SMARCC1: variants seen among roughly 807,000 people sequenced by gnomAD.
SMARCC1 encodes the protein SWI/SNF related BAF chromatin remodeling complex subunit C1, also known as SWI/SNF complex subunit SMARCC1.
A neutral mutation model predicts 147.4 loss-of-function variants in SMARCC1; 43 were observed. The observed-to-expected ratio is 0.29, with a 90% CI of 0.23 to 0.38. SMARCC1 has a LOEUF of 0.38. SMARCC1 is among the 10% of genes least tolerant of loss of function. SMARCC1 has a pLI of 1.00. For missense variants in SMARCC1, 1,119 were observed against 1,381.1 expected (o/e 0.81, Z 3.01); for synonymous variants, 495 against 484.4 (o/e 1.02, Z -0.29).
At chr3:47,720,146 CGG>C (rs2034213088) in intron 7 of SMARCC1, among the ~76,000 whole-genome samples, 1 of 152,038 alleles carries the variant, frequency 6.6e-6, no homozygotes, top group Non-Finnish European at 1.5e-5. Flanking sequence ...TTTTTTGAGA[CGG>C]AGTCTCACTC....
At position 47,587,785 on chromosome 3, in the gene SMARCC1, T is replaced by C. The variant is rs2032096574; in HGVS notation, c.*424A>G. The stretch of plus-strand genomic sequence containing the variant: ...TCCTATTAACTTAGGATGCTCTCCT[T>C]TAAAACAATAATAACAGAAAGATAA... On this transcript the variant is annotated 3_prime_UTR_variant, in exon 28 of 28. Coordinates refer to ENST00000254480, the MANE Select transcript of SMARCC1 (RefSeq NM_003074.4). The C allele has an allele frequency of 6.2e-6, 1 of 160,896 alleles. No individual in the cohort carries two copies. The highest frequency in any genetic ancestry group is 1.4e-5 in the Non-Finnish European group (1 of 73,388). 10.0% of individuals were successfully genotyped at this position (160,896 alleles called of 1,614,324 possible). A position where few individuals can be genotyped will look rare whatever the true frequency, so the allele number is the denominator to read the frequency against.
chr3:47,758,891 C>G (rs943808662), intron 2 of SMARCC1, among the ~76,000 whole-genome samples: 2 of 151,916 alleles, frequency 1.3e-5, no homozygotes, highest in Non-Finnish European at 2.9e-5. Context: ...ATGGTGCATG[C>G]CTGTAATCCC....
rs1457008018 is a variant in SMARCC1, at chr3:47,633,777, TATACACACACACACAC to T, written c.2646+1397_2646+1412del. 4.3e-5 allele frequency among the ~76,000 whole-genome samples: 2 copies of T among 46,536 alleles called. 1 individual carries two copies. Among genetic ancestry groups the T allele is most frequent in the African/African-American group, 1.7e-4 (2 of 11,648 alleles). The allele number at this position is 46,536 out of a possible 152,430, so 30.5% of individuals were successfully genotyped here. On this transcript the variant is annotated intron_variant, in intron 24 of 27. Coordinates refer to ENST00000254480, the MANE Select transcript of SMARCC1 (RefSeq NM_003074.4). ...AAAAAAAAAAAAATATATATATATA[TATACACACACACACAC>T]ACACACACACACACACACACACACA...
intron 25 of SMARCC1, among the ~76,000 whole-genome samples, chr3:47,615,794 C>T (rs947011082): frequency 1.3e-5 from 2 of 152,192 alleles, no homozygotes; most frequent in Non-Finnish European, 2.9e-5. Flanking sequence ...AGTGATTCTC[C>T]TGCTTCAGCC....
intron 12 of SMARCC1, among the ~76,000 whole-genome samples, chr3:47,690,364 G>A (rs1278881615): frequency 1.3e-5 from 2 of 152,160 alleles, no homozygotes; most frequent in African/African-American, 4.8e-5. Context: ...AAGTGGGTAG[G>A]TGGACACTTC....
At chr3:47,757,556 C>T (rs1228970885) in intron 2 of SMARCC1, among the ~76,000 whole-genome samples, 1 of 152,032 alleles carries the variant, frequency 6.6e-6, no homozygotes, top group Non-Finnish European at 1.5e-5. Context: ...GCAGGTGGAT[C>T]ATGAGGTCAG....
intron 1 of SMARCC1, among the ~76,000 whole-genome samples, chr3:47,778,375 C>T (rs1289606511): frequency 6.6e-6 from 1 of 151,872 alleles, no homozygotes; most frequent in Non-Finnish European, 1.5e-5. Flanking sequence ...ATGGTGCCAA[C>T]ACAGTTCACC....
chr3:47,659,760 A>AGCG (rs1553680845), intron 21 of SMARCC1, among the ~76,000 whole-genome samples: 2 of 47,780 alleles, frequency 4.2e-5, no homozygotes, highest in Non-Finnish European at 7.4e-5. Flanking sequence ...GAAAAAAAAA[A>AGCG]GGGGGGGGGG....
intron 2 of SMARCC1, among the ~76,000 whole-genome samples, chr3:47,769,279 A>G (rs11914409): frequency 0.96 from 134,249 of 140,070 alleles, 64,651 homozygotes; most frequent in East Asian, 1. Flanking sequence ...CACTTTGAGA[A>G]GCAGAGGTGG....
chr3:47,738,134 T>A, intron 3 of SMARCC1, 24 bp from the exon 4 acceptor site: 1 of 1,493,794 alleles, frequency 6.7e-7, no homozygotes, highest in Non-Finnish European at 9.1e-7. Context: ...AAAACCCTAG[T>A]TAATTTGTCT....
Position 47,746,052 on chromosome 3 carries a change from T to C in SMARCC1, c.316-59A>G, listed in dbSNP as rs990198403. The stretch of plus-strand genomic sequence containing the variant: ...AAAGCTTCTGACAAAATTACTCATG[T>C]CTTAATTCTAAGTTTTATAAATTCA... On this transcript the variant is annotated intron_variant, in intron 2 of 27. Coordinates refer to ENST00000254480, the MANE Select transcript of SMARCC1 (RefSeq NM_003074.4). The C allele has an allele frequency of 2.0e-4, 211 of 1,068,992 alleles. 1 individual carries two copies. The East Asian group carries it at 4.8e-3, about 24-fold the overall frequency. The allele number at this position is 1,068,992 out of a possible 1,614,324, so 66.2% of individuals were successfully genotyped here.
At chr3:47,704,371 G>A (rs923163162) in intron 10 of SMARCC1, among the ~76,000 whole-genome samples, 5 of 152,140 alleles carry the variant, frequency 3.3e-5, no homozygotes, top group African/African-American at 1.2e-4. Context: ...GTCATTACAA[G>A]GCAAATGTAT....
chr3:47,710,589 G>A, intron 9 of SMARCC1, 94 bp downstream of exon 9: 1 of 1,269,754 alleles, frequency 7.9e-7, no homozygotes, highest in Non-Finnish European at 1.1e-6. Context: ...AAGTTCCTAA[G>A]TGGTTTGTAT....
In SMARCC1 at chr3:47,653,569, G is replaced by A. The variant is rs77980441; in HGVS notation, c.2320+7725C>T. Among the ~76,000 whole-genome samples the A allele has an allele frequency of 3.9e-5, 6 of 152,278 alleles. No individual in the cohort carries two copies. The East Asian group carries it at 7.7e-4, about 20-fold the overall frequency. Reference sequence around the variant, plus strand: ...TAAGGCAGTATTTGTGACATGAAACGTAAGAGACATACTGTTGACTTCCTA... The same window carrying A: ...TAAGGCAGTATTTGTGACATGAAACATAAGAGACATACTGTTGACTTCCTA... On this transcript the variant is annotated intron_variant, in intron 21 of 27. Transcript: ENST00000254480.
chr3:47,589,642 C>T (rs1020511337), intron 27 of SMARCC1, among the ~76,000 whole-genome samples: 4 of 152,162 alleles, frequency 2.6e-5, no homozygotes, highest in African/African-American at 9.7e-5. Flanking sequence ...CTTCTGTGCA[C>T]CTACTTTGTC....
chr3:47,685,886 AAACAC>A (rs2033716131), intron 14 of SMARCC1, among the ~76,000 whole-genome samples, 158 bp downstream of exon 14: 1 of 152,034 alleles, frequency 6.6e-6, no homozygotes, highest in South Asian at 2.1e-4. Context: ...AACAAACAAA[AAACAC>A]AAACACATTC....
chr3:47,601,097 A>C (rs1404478539), intron 26 of SMARCC1, among the ~76,000 whole-genome samples: 1 of 149,440 alleles, frequency 6.7e-6, no homozygotes, highest in Non-Finnish European at 1.5e-5. Flanking sequence ...TGGGAGTCTG[A>C]CCTACATACA....
At chr3:47,749,014 A>G (rs996872278) in intron 2 of SMARCC1, among the ~76,000 whole-genome samples, 5 of 152,098 alleles carry the variant, frequency 3.3e-5, no homozygotes, top group Admixed American at 3.3e-4. Flanking sequence ...TTTAAAAAAA[A>G]ATAGTAATAA....
intron 21 of SMARCC1, among the ~76,000 whole-genome samples, chr3:47,649,948 G>T (rs1040536236): frequency 1.4e-4 from 22 of 152,118 alleles, no homozygotes; most frequent in African/African-American, 5.3e-4. Flanking sequence ...GACTATTTAG[G>T]CTACAAAGAA....
Sources: allele counts gnomAD v4.1 joint callset (sites outside exome capture counted in the v4.1 genomes callset), GRCh38; gene constraint gnomAD v4.1.1; transcripts MANE v1.5; gene names NCBI Gene and HGNC (gene_info 2026-07-23, HGNC 2026-07-21).